The following EFHD1 variants were observed in gnomAD, a reference collection of about 807,000 sequenced individuals.
EFHD1 encodes EF-hand domain-containing protein D1.
In EFHD1, 10 loss-of-function variants were observed where a neutral mutation model predicts 17.2. The observed-to-expected ratio is 0.58, with a 90% CI of 0.36 to 0.99. The LOEUF (loss-of-function observed/expected upper bound fraction) is 0.99, where lower values mean the gene tolerates loss of function less well. Among genes scored for constraint, EFHD1 ranks in the 50% least tolerant of loss-of-function variants. The pLI is 0.01. For synonymous variants in EFHD1, 153 were observed against 142.0 expected (o/e 1.08, Z -0.55); for missense variants, 310 against 327.5 (o/e 0.95, Z 0.41).
At chr2:232,677,937 T>G (rs913311789) in intron 3 of EFHD1, among the ~76,000 whole-genome samples, 1 of 152,178 alleles carries the variant, frequency 6.6e-6, no homozygotes, top group Non-Finnish European at 1.5e-5. Flanking sequence ...GAAAAAAGAA[T>G]TATATCAATT....
chr2:232,610,044 G>A (rs1693783194), intron 1 of EFHD1, among the ~76,000 whole-genome samples: 1 of 152,238 alleles, frequency 6.6e-6, no homozygotes, highest in Non-Finnish European at 1.5e-5. Flanking sequence ...AAAGGTGAAA[G>A]GAGAGGGCTC....
intron 1 of EFHD1, among the ~76,000 whole-genome samples, chr2:232,639,755 T>C (rs946951336): frequency 6.6e-6 from 1 of 152,122 alleles, no homozygotes; most frequent in Non-Finnish European, 1.5e-5. Context: ...CTACAATTGA[T>C]ATTCATCTTA....
At chr2:232,631,300 CTCTG>C (rs1270340113), upstream of EFHD1, among the ~76,000 whole-genome samples, 1 of 151,494 alleles carries the variant, frequency 6.6e-6, no homozygotes. Context: ...CTCTCTCTCT[CTCTG>C]TCTCTCTCTC....
intron 1 of EFHD1, among the ~76,000 whole-genome samples, chr2:232,652,244 A>G (rs1694669661): frequency 6.6e-6 from 1 of 152,232 alleles, no homozygotes; most frequent in Admixed American, 6.5e-5. Flanking sequence ...CTTTGAGGCC[A>G]AAATCAGAAT....
chr2:232,667,574 C>T (rs893811540), intron 2 of EFHD1, among the ~76,000 whole-genome samples: 12 of 151,030 alleles, frequency 7.9e-5, no homozygotes, highest in Middle Eastern at 3.4e-3. Flanking sequence ...TATTTTGAGA[C>T]GGAGTTTTGC....
upstream of EFHD1, chr2:232,633,603 C>T (rs1184111442): frequency 2.3e-6 from 3 of 1,307,440 alleles, no homozygotes; most frequent in African/African-American, 1.6e-5. Flanking sequence ...GCCGCCTCGG[C>T]GGAGTGTTGT....
At chr2:232,660,664 G>T (rs562158693) in intron 1 of EFHD1, among the ~76,000 whole-genome samples, 3 of 151,576 alleles carry the variant, frequency 2.0e-5, no homozygotes, top group South Asian at 4.3e-4. Flanking sequence ...TTTACAAATT[G>T]TGGTAAAATG....
chr2:232,653,787 G>A (rs1371863566), intron 1 of EFHD1, among the ~76,000 whole-genome samples: 3 of 152,184 alleles, frequency 2.0e-5, no homozygotes, highest in Non-Finnish European at 2.9e-5. Flanking sequence ...CCTGTACCCA[G>A]CTGGTGGCTC....
chr2:232,672,507 G>A (rs1401623415), intron 3 of EFHD1, 64 bp downstream of exon 3: 183 of 1,528,072 alleles, frequency 1.2e-4, no homozygotes, highest in Non-Finnish European at 1.5e-4. Flanking sequence ...CCACCAGACT[G>A]CAGCTGTCAT....
intron 1 of EFHD1, among the ~76,000 whole-genome samples, chr2:232,627,016 C>CTT: frequency 2.2e-5 from 1 of 46,394 alleles, no homozygotes. Flanking sequence ...GAGATCCTGT[C>CTT]TCTCTCTCTC....
chr2:232,632,925 T>C (rs1280310179), upstream of EFHD1, among the ~76,000 whole-genome samples: 1 of 152,206 alleles, frequency 6.6e-6, no homozygotes, highest in African/African-American at 2.4e-5. Flanking sequence ...CCAGGTTTCT[T>C]CTCTTTTCTT....
At chr2:232,676,567 G>A (rs143791922) in intron 3 of EFHD1, among the ~76,000 whole-genome samples, 1 of 152,304 alleles carries the variant, frequency 6.6e-6, no homozygotes, top group African/African-American at 2.4e-5. Flanking sequence ...TGGAGCCGGG[G>A]GTGGAGTCAG....
intron 1 of EFHD1, among the ~76,000 whole-genome samples, chr2:232,618,910 A>C (rs2106185430): frequency 6.6e-6 from 1 of 152,038 alleles, no homozygotes; most frequent in South Asian, 2.1e-4. Flanking sequence ...TTGGGAGGCC[A>C]AGGTGGGTGG....
chr2:232,663,077 C>T (rs766599898), intron 2 of EFHD1, 128 bp downstream of exon 2: 137 of 1,118,726 alleles, frequency 1.2e-4, no homozygotes, highest in Non-Finnish European at 1.6e-4. Flanking sequence ...ACCTGCAATT[C>T]CGCTTTCAAA....
chr2:232,645,631 C>A (rs1243326642), intron 1 of EFHD1, among the ~76,000 whole-genome samples: 1 of 152,158 alleles, frequency 6.6e-6, no homozygotes, highest in Non-Finnish European at 1.5e-5. Flanking sequence ...TGCCTCTCCA[C>A]CCTATAATGG....
At chr2:232,659,677 G>C (rs2106209355) in intron 1 of EFHD1, among the ~76,000 whole-genome samples, 1 of 152,304 alleles carries the variant, frequency 6.6e-6, no homozygotes, top group Admixed American at 6.5e-5. Flanking sequence ...GTGTTGGGGA[G>C]AATGCAGACG....
intron 1 of EFHD1, among the ~76,000 whole-genome samples, chr2:232,649,685 C>G (rs1045912146): frequency 2.0e-5 from 3 of 152,106 alleles, no homozygotes; most frequent in Admixed American, 1.3e-4. Context: ...CCTTTGGGCC[C>G]CTCGACCACT....
At chr2:232,632,008 A>T (rs74874120), upstream of EFHD1, among the ~76,000 whole-genome samples, 8,117 of 151,970 alleles carry the variant, frequency 0.053, 554 homozygotes, top group East Asian at 0.2. Context: ...CATCTCAAAA[A>T]AAAAAAAAGT....
intron 2 of EFHD1, among the ~76,000 whole-genome samples, chr2:232,671,431 A>C (rs955100785): frequency 1.3e-5 from 2 of 152,016 alleles, no homozygotes; most frequent in African/African-American, 4.8e-5. Context: ...TGTCTCAAGA[A>C]AATAAATAAA....
Sources: allele counts gnomAD v4.1 joint callset (sites outside exome capture counted in the v4.1 genomes callset), GRCh38; gene constraint gnomAD v4.1.1; transcripts MANE v1.5; gene names NCBI Gene and HGNC (gene_info 2026-07-23, HGNC 2026-07-21).